CAST: variants seen among roughly 807,000 people sequenced by gnomAD.
CAST encodes the protein calpastatin.
In CAST, 76 loss-of-function variants were observed where a neutral mutation model predicts 119.6. That is an observed-to-expected ratio of 0.64 (90% CI 0.53 to 0.77). CAST has a LOEUF of 0.77. CAST is among the 30% of genes least tolerant of loss of function. CAST has a pLI of 0.00. For synonymous variants in CAST, 319 were observed against 331.6 expected (o/e 0.96, Z 0.41); for missense variants, 953 against 946.5 (o/e 1.01, Z -0.09).
chr5:96,130,446 TA>T, the CAST span, among the ~76,000 whole-genome samples: 1 of 89,948 alleles, frequency 1.1e-5, no homozygotes, highest in East Asian at 2.6e-4. Flanking sequence ...AAAAGGACAT[TA>T]GGAAAAAAAA....
intron 3 of CAST, among the ~76,000 whole-genome samples, chr5:96,712,014 C>A (rs570537204): frequency 3.3e-5 from 5 of 152,272 alleles, no homozygotes; most frequent in African/African-American, 1.2e-4. Flanking sequence ...ACACCCTTAT[C>A]CTATAGGAAA....
chr5:96,468,197 G>A, the CAST span, among the ~76,000 whole-genome samples: 37 of 152,100 alleles, frequency 2.4e-4, 1 homozygote, highest in Middle Eastern at 3.4e-3. Flanking sequence ...AAAGGCATTC[G>A]GAGTGGTATA....
chr5:96,044,109 A>G, the CAST span, among the ~76,000 whole-genome samples: 1 of 152,268 alleles, frequency 6.6e-6, no homozygotes, highest in Non-Finnish European at 1.5e-5. Flanking sequence ...TTAGAAAAAC[A>G]CATATATTGG....
chr5:96,194,698 T>G, the CAST span, among the ~76,000 whole-genome samples: 1 of 152,212 alleles, frequency 6.6e-6, no homozygotes, highest in Admixed American at 6.5e-5. Flanking sequence ...AAGTACAATC[T>G]TTTAGATTGA....
chr5:96,213,200 A>G, the CAST span: 1 of 152,066 alleles, frequency 6.6e-6, no homozygotes, highest in African/African-American at 2.4e-5. Context: ...TCATAAGTCT[A>G]TTTTATCTGA....
chr5:96,547,102 A>G (rs1746033894), intron 1 of CAST, among the ~76,000 whole-genome samples: 1 of 149,930 alleles, frequency 6.7e-6, no homozygotes, highest in Non-Finnish European at 1.5e-5. Flanking sequence ...CATTCACTTT[A>G]TGCAGTAAAA....
chr5:96,357,392 G>A, the CAST span, among the ~76,000 whole-genome samples: 1 of 152,170 alleles, frequency 6.6e-6, no homozygotes, highest in South Asian at 2.1e-4. Context: ...GTGGCAAAGG[G>A]CATCCTTGTC....
the CAST span, among the ~76,000 whole-genome samples, chr5:96,238,633 C>T: frequency 6.6e-6 from 1 of 151,166 alleles, no homozygotes; most frequent in Non-Finnish European, 1.5e-5. Flanking sequence ...CCTCTGACCT[C>T]AAATGCTCTG....
the CAST span, among the ~76,000 whole-genome samples, chr5:95,994,502 A>C: frequency 1.3e-5 from 2 of 151,994 alleles, no homozygotes; most frequent in African/African-American, 4.8e-5. Flanking sequence ...GCAAAGAGGA[A>C]ATTTTTTTGG....
At chr5:96,664,318 C>CATATATGTAAATATATGTGTGTGCAT (rs1182671860) in intron 1 of CAST, among the ~76,000 whole-genome samples, 2 of 151,208 alleles carry the variant, frequency 1.3e-5, no homozygotes, top group African/African-American at 2.4e-5. Context: ...TATATTTACA[C>CATATATGTAAATATATGTGTGTGCAT]ATATATGTAA....
At chr5:96,084,927 C>T in the CAST span, among the ~76,000 whole-genome samples, 1 of 152,216 alleles carries the variant, frequency 6.6e-6, no homozygotes, top group Non-Finnish European at 1.5e-5. Flanking sequence ...AATGCCCATG[C>T]TCACTACTGT....
At chr5:96,679,456 C>T (rs999574775) in intron 2 of CAST, 1 of 152,284 alleles carries the variant, frequency 6.6e-6, no homozygotes. Context: ...CTTTCCAAAC[C>T]TGCAATCAAA....
the CAST span, among the ~76,000 whole-genome samples, chr5:96,113,396 G>A: frequency 6.6e-6 from 1 of 152,202 alleles, no homozygotes; most frequent in Non-Finnish European, 1.5e-5. Flanking sequence ...TGAACCACAA[G>A]ATAAAGTAAC....
chr5:96,395,288 G>A, the CAST span, among the ~76,000 whole-genome samples: 2 of 152,178 alleles, frequency 1.3e-5, no homozygotes, highest in African/African-American at 2.4e-5. Context: ...CATATTGGAT[G>A]TGTTCTTGGA....
chr5:96,334,003 C>G, the CAST span, among the ~76,000 whole-genome samples: 2 of 152,204 alleles, frequency 1.3e-5, no homozygotes, highest in Non-Finnish European at 2.9e-5. Context: ...GTCTCAGACC[C>G]TCACTTCAAC....
chr5:96,235,218 C>T, the CAST span, among the ~76,000 whole-genome samples: 1 of 152,148 alleles, frequency 6.6e-6, no homozygotes, highest in African/African-American at 2.4e-5. Context: ...TCTAAGTCTG[C>T]CTTGGCAGGC....
intron 24 of CAST, 106 bp from the exon 25 acceptor site, chr5:96,762,168 G>C: frequency 1.7e-6 from 1 of 579,816 alleles, no homozygotes. Flanking sequence ...TTGGTCAAGA[G>C]AATAAACAGT....
At chr5:96,562,087 C>T (rs552319401) in intron 1 of CAST, among the ~76,000 whole-genome samples, 9 of 151,848 alleles carry the variant, frequency 5.9e-5, no homozygotes, top group Admixed American at 2.0e-4. Context: ...CCACCGCGCC[C>T]GGCCATATAT....
At chr5:96,243,309 ATT>A in the CAST span, among the ~76,000 whole-genome samples, 63 of 145,646 alleles carry the variant, frequency 4.3e-4, no homozygotes, top group Admixed American at 6.8e-4. Flanking sequence ...TCAATAGAGA[ATT>A]TTTTTTTTTT....
Sources: gnomAD v4.1 joint callset for allele counts (sites outside exome capture counted in the v4.1 genomes callset) on GRCh38, gnomAD v4.1.1 for gene constraint, MANE v1.5 for transcripts, NCBI Gene and HGNC (gene_info 2026-07-23, HGNC 2026-07-21) for gene names.